GRIP1: variants seen among roughly 807,000 people sequenced by gnomAD.
GRIP1 encodes the protein glutamate receptor-interacting protein 1.
A neutral mutation model predicts 129.9 loss-of-function variants in GRIP1; 45 were observed. The observed-to-expected ratio is 0.35, with a 90% CI of 0.27 to 0.44. The LOEUF is 0.44. Ranked by LOEUF, GRIP1 falls within the 20% of genes least tolerant of loss-of-function variation. The pLI, the probability that GRIP1 is intolerant of heterozygous loss-of-function variation, is 1.00. For missense variants in GRIP1, 1,196 were observed against 1,396.8 expected, an observed-to-expected ratio of 0.86 and a Z score of 2.29; for synonymous variants, 530 against 520.8, an observed-to-expected ratio of 1.02 and a Z score of -0.24.
At chr12:66,385,076 A>C (rs2056294592) in intron 19 of GRIP1, among the ~76,000 whole-genome samples, 1 of 152,250 alleles carries the variant, frequency 6.6e-6, no homozygotes, top group African/African-American at 2.4e-5. Context: ...CCCAGGCGTA[A>C]GAAAAAATCA....
At chr12:66,640,754 G>C (rs1168750580) in intron 1 of GRIP1, among the ~76,000 whole-genome samples, 2 of 152,150 alleles carry the variant, frequency 1.3e-5, no homozygotes, top group Non-Finnish European at 2.9e-5. Flanking sequence ...TCAAGCAAAA[G>C]CCATTCTGGG....
chr12:66,837,853 A>AT (rs2039642814), intron 1 of GRIP1, among the ~76,000 whole-genome samples: 1 of 152,276 alleles, frequency 6.6e-6, no homozygotes, highest in Admixed American at 6.5e-5. Context: ...GGTGTCAGGG[A>AT]TGAGTCTCTA....
chr12:66,384,524 C>T (rs1425850282), intron 19 of GRIP1, among the ~76,000 whole-genome samples: 1 of 152,074 alleles, frequency 6.6e-6, no homozygotes, highest in East Asian at 1.9e-4. Context: ...TACAAAGAAC[C>T]CTGTGTTTTA....
rs777660865 is a variant in GRIP1, at chr12:66,517,942, T to C, written c.537A>G (p.Pro179=). 4.8e-5 allele frequency: 76 copies of C among 1,599,064 alleles called. No individual in the cohort carries two copies. Among genetic ancestry groups the C allele is most frequent in the Non-Finnish European group, 6.4e-5 (75 of 1,166,542 alleles). Residue 179 remains proline (P), a synonymous_variant, in exon 6 of 25, where the codon CCA becomes CCG. Transcript: ENST00000359742. ...CAGGACGAACACATGTTATCACAAC[T>C]GGACGAGATTTATTTCTATCATCAT... The part of the protein sequence containing the change: ...GAHDDRNKSR[P]VVITCVRPGG...
chr12:66,380,122 A>G (rs2056037224), intron 19 of GRIP1, among the ~76,000 whole-genome samples: 1 of 151,690 alleles, frequency 6.6e-6, no homozygotes, highest in Non-Finnish European at 1.5e-5. Flanking sequence ...GTTGGCCAGG[A>G]TGGTCTTGAA....
chr12:66,892,772 G>A (rs1819437607), intron 1 of GRIP1, among the ~76,000 whole-genome samples: 2 of 105,498 alleles, frequency 1.9e-5, no homozygotes, highest in African/African-American at 9.1e-5. Flanking sequence ...GGCAAGCCTA[G>A]GCAACATGAG....
chr12:66,666,066 A>G (rs1273061228), intron 1 of GRIP1, among the ~76,000 whole-genome samples: 2 of 152,144 alleles, frequency 1.3e-5, no homozygotes, highest in African/African-American at 4.8e-5. Context: ...CACAAACATA[A>G]AGCTAGTCAG....
At chr12:66,903,308 T>TC (rs984356360) in intron 1 of GRIP1, among the ~76,000 whole-genome samples, 2 of 151,776 alleles carry the variant, frequency 1.3e-5, no homozygotes, top group Non-Finnish European at 2.9e-5. Flanking sequence ...TTTTTTTTTT[T>TC]TTGTAAGTTT....
intron 1 of GRIP1, among the ~76,000 whole-genome samples, chr12:66,832,426 T>A (rs1031900252): frequency 3.9e-5 from 6 of 152,178 alleles, no homozygotes; most frequent in African/African-American, 1.4e-4. Flanking sequence ...CTGACATTCA[T>A]CCTTCTAAAT....
intron 7 of GRIP1, among the ~76,000 whole-genome samples, chr12:66,513,890 C>G (rs2060772161): frequency 6.6e-6 from 1 of 152,178 alleles, no homozygotes; most frequent in African/African-American, 2.4e-5. Context: ...AAAATGGTAT[C>G]TATCCCAGTG....
chr12:66,577,381 G>A (rs1281604735), intron 2 of GRIP1, among the ~76,000 whole-genome samples: 1 of 152,198 alleles, frequency 6.6e-6, no homozygotes, highest in Non-Finnish European at 1.5e-5. Context: ...GAAATTAGAT[G>A]TGGAGTTTCC....
chr12:67,036,085 G>A (rs2135793538), intron 1 of GRIP1, among the ~76,000 whole-genome samples: 1 of 152,268 alleles, frequency 6.6e-6, no homozygotes, highest in Admixed American at 6.5e-5. Flanking sequence ...TTTACAGTGG[G>A]ATGACATCAG....
At chr12:66,622,704 C>A (rs2139981209) in intron 1 of GRIP1, among the ~76,000 whole-genome samples, 1 of 152,196 alleles carries the variant, frequency 6.6e-6, no homozygotes, top group South Asian at 2.1e-4. Context: ...TTTTTAGTTT[C>A]ATTTCCCCCT....
intron 1 of GRIP1, among the ~76,000 whole-genome samples, chr12:66,609,521 T>C (rs772375519): frequency 6.6e-6 from 1 of 152,170 alleles, no homozygotes; most frequent in Non-Finnish European, 1.5e-5. Flanking sequence ...GATTTAATAG[T>C]CCAAAGATGA....
intron 1 of GRIP1, 122 bp downstream of exon 1, chr12:66,678,728 A>C: frequency 2.3e-6 from 2 of 860,312 alleles, no homozygotes; most frequent in East Asian, 2.6e-5. Context: ...TATTTCACTG[A>C]GTTCTTTGTT....
chr12:67,049,642 T>C (rs140198489), intron 1 of GRIP1, among the ~76,000 whole-genome samples: 18 of 151,352 alleles, frequency 1.2e-4, no homozygotes, highest in Admixed American at 2.0e-4. Flanking sequence ...GATGGGTTGA[T>C]AGGTGCAGCA....
chr12:66,494,727 A>T (rs2060190150), intron 7 of GRIP1, among the ~76,000 whole-genome samples: 1 of 152,062 alleles, frequency 6.6e-6, no homozygotes, highest in African/African-American at 2.4e-5. Flanking sequence ...AATTAAAAAA[A>T]AAAGGTAGTG....
intron 2 of GRIP1, among the ~76,000 whole-genome samples, chr12:66,584,650 T>C (rs1262410868): frequency 1.3e-5 from 2 of 152,124 alleles, no homozygotes; most frequent in Non-Finnish European, 2.9e-5. Context: ...TATATGGGAA[T>C]GTCACGGGCC....
Position 66,448,489 on chromosome 12 carries a change from A to G in GRIP1, c.1355-2981T>C, listed in dbSNP as rs1179592761. On this transcript the variant is annotated intron_variant, in intron 11 of 24. Transcript: ENST00000359742. ...TCCTTACATGCAAAATATTCCCCAC[A>G]TATTATTTCCAGATGAACCTCCTGT... is the stretch of plus-strand genomic sequence containing the variant. Among the ~76,000 whole-genome samples, 6 of 152,038 alleles carry G rather than the reference A, an allele frequency of 3.9e-5. No homozygotes were observed. In the East Asian group the frequency reaches 1.2e-3, roughly 29 times the overall value.
Sources: allele counts gnomAD v4.1 joint callset (sites outside exome capture counted in the v4.1 genomes callset), GRCh38; gene constraint gnomAD v4.1.1; transcripts MANE v1.5; gene names NCBI Gene and HGNC (gene_info 2026-07-23, HGNC 2026-07-21).